Variants in SPAG16 observed in about 807,000 individuals in gnomAD.
SPAG16 encodes the protein sperm associated antigen 16.
In SPAG16, 86 loss-of-function variants were observed where a neutral mutation model predicts 80.4. The observed-to-expected ratio is 1.07, with a 90% CI of 0.90 to 1.28. The LOEUF (loss-of-function observed/expected upper bound fraction) is 1.28. Ranked by LOEUF, SPAG16 falls within the 50% of genes most tolerant of loss-of-function variation. SPAG16 has a pLI of 0.00. For missense variants in SPAG16, 870 were observed against 765.3 expected, an observed-to-expected ratio of 1.14 and a Z score of -1.61; for synonymous variants, 294 against 265.9, an observed-to-expected ratio of 1.11 and a Z score of -1.03.
chr2:214,288,498 C>T (rs924482027), intron 15 of SPAG16, among the ~76,000 whole-genome samples: 2 of 151,988 alleles, frequency 1.3e-5, no homozygotes, highest in Non-Finnish European at 2.9e-5. Context: ...TTTGAGAAAT[C>T]TCCATTCTGT....
chr2:214,012,287 TA>T lies in SPAG16; in HGVS notation c.1401-1663del, dbSNP rs1177561689. ...ATATATATATATATATATATATATATATTTTTTTTTTTTTTTTTTTTTCCTC... is the reference window on the plus strand; with the variant it reads ...ATATATATATATATATATATATATATTTTTTTTTTTTTTTTTTTTTTCCTC... On this transcript the variant is annotated intron_variant, in intron 12 of 15. Transcript: ENST00000331683. Among the ~76,000 whole-genome samples, 83 of 52,604 alleles carry T rather than the reference TA, an allele frequency of 1.6e-3. 1 individual carries two copies. Among genetic ancestry groups the T allele is most frequent in the African/African-American group, 4.4e-3 (41 of 9,296 alleles). 34.5% of individuals were successfully genotyped at this position (52,604 alleles called of 152,430 possible).
At chr2:213,435,537 A>C (rs1304638751) in intron 9 of SPAG16, among the ~76,000 whole-genome samples, 1 of 152,218 alleles carries the variant, frequency 6.6e-6, no homozygotes, top group Non-Finnish European at 1.5e-5. Flanking sequence ...AATTTATACA[A>C]ATAAGAAGAG....
At chr2:214,129,821 T>C (rs1208326108) in intron 14 of SPAG16, among the ~76,000 whole-genome samples, 1 of 152,186 alleles carries the variant, frequency 6.6e-6, no homozygotes, top group Admixed American at 6.5e-5. Flanking sequence ...AGAAAAACTA[T>C]AGACTATGAA....
At chr2:213,742,358 A>T (rs1276116073) in intron 10 of SPAG16, among the ~76,000 whole-genome samples, 3 of 152,066 alleles carry the variant, frequency 2.0e-5, no homozygotes, top group Non-Finnish European at 4.4e-5. Context: ...CTTCTGACTG[A>T]CATGTTACTA....
At chr2:214,120,613 A>T (rs1289098925) in intron 14 of SPAG16, among the ~76,000 whole-genome samples, 1 of 151,852 alleles carries the variant, frequency 6.6e-6, no homozygotes, top group Non-Finnish European at 1.5e-5. Context: ...TGTTGTACCC[A>T]ATGAGTAATT....
intron 10 of SPAG16, among the ~76,000 whole-genome samples, chr2:213,773,592 G>T (rs949108750): frequency 6.6e-6 from 1 of 151,692 alleles, no homozygotes; most frequent in Non-Finnish European, 1.5e-5. Context: ...TTTCTCTGTC[G>T]CCCAGGATGG....
intron 15 of SPAG16, among the ~76,000 whole-genome samples, chr2:214,191,732 A>G (rs1277420713): frequency 6.6e-6 from 1 of 150,804 alleles, no homozygotes; most frequent in African/African-American, 2.4e-5. Flanking sequence ...AAAAAGAAAA[A>G]AAAAAAAAAA....
intron 9 of SPAG16, among the ~76,000 whole-genome samples, chr2:213,415,916 C>A (rs2069227292): frequency 6.6e-6 from 1 of 152,032 alleles, no homozygotes; most frequent in Admixed American, 6.6e-5. Context: ...GCAGTTAGTT[C>A]TTTGTGAAGA....
intron 9 of SPAG16, among the ~76,000 whole-genome samples, chr2:213,408,033 GAGGCAGAGAGAGAC>G (rs1159370057): frequency 6.7e-6 from 1 of 149,408 alleles, no homozygotes; most frequent in East Asian, 2.0e-4. Context: ...AGACAGGAGA[GAGGCAGAGAGAGAC>G]AGGCAGAGAG....
chr2:214,100,914 ATGAG>A (rs1011752277), intron 13 of SPAG16, among the ~76,000 whole-genome samples: 1 of 152,106 alleles, frequency 6.6e-6, no homozygotes, highest in African/African-American at 2.4e-5. Context: ...AGGAAAAAAA[ATGAG>A]TGAAGTGGAC....
At chr2:213,662,814 T>G (rs778769030) in intron 10 of SPAG16, among the ~76,000 whole-genome samples, 5 of 152,222 alleles carry the variant, frequency 3.3e-5, no homozygotes, top group Non-Finnish European at 4.4e-5. Context: ...TATGAGTTGC[T>G]GAGATCTCTA....
chr2:213,531,481 G>T (rs1319029039), intron 10 of SPAG16, among the ~76,000 whole-genome samples: 1 of 151,550 alleles, frequency 6.6e-6, no homozygotes, highest in Non-Finnish European at 1.5e-5. Context: ...TGGTGAAGAG[G>T]CACGTGGGGA....
chr2:213,513,653 C>G (rs767795963), intron 10 of SPAG16, among the ~76,000 whole-genome samples: 4 of 152,156 alleles, frequency 2.6e-5, no homozygotes, highest in Non-Finnish European at 5.9e-5. Context: ...TATACATTTT[C>G]AGAGCTAGAT....
chr2:214,223,678 T>C (rs888842154), intron 15 of SPAG16, among the ~76,000 whole-genome samples: 1 of 152,216 alleles, frequency 6.6e-6, no homozygotes, highest in Non-Finnish European at 1.5e-5. Context: ...ATATCAATTT[T>C]AAATTATAAT....
intron 10 of SPAG16, among the ~76,000 whole-genome samples, chr2:213,622,626 C>A (rs763654847): frequency 6.6e-6 from 1 of 152,168 alleles, no homozygotes; most frequent in Admixed American, 6.5e-5. Flanking sequence ...TTGTGATTTG[C>A]TTCCAACCTG....
chr2:214,130,119 A>G (rs1271006224), intron 14 of SPAG16, among the ~76,000 whole-genome samples: 3 of 152,214 alleles, frequency 2.0e-5, no homozygotes, highest in African/African-American at 7.2e-5. Flanking sequence ...ATGCAAATGA[A>G]GCATTCAAAC....
chr2:214,119,343 T>C (rs548583135), intron 14 of SPAG16, among the ~76,000 whole-genome samples: 17 of 152,144 alleles, frequency 1.1e-4, no homozygotes, highest in Non-Finnish European at 2.1e-4. Context: ...TTTAAGGAAC[T>C]ATAAAAGCTA....
At chr2:213,487,478 A>G (rs1433849006) in intron 9 of SPAG16, among the ~76,000 whole-genome samples, 1 of 152,070 alleles carries the variant, frequency 6.6e-6, no homozygotes, top group Non-Finnish European at 1.5e-5. Context: ...TGTATTGGCC[A>G]TTGTCTCCTG....
At chr2:214,283,593 G>A (rs1406961053) in intron 15 of SPAG16, among the ~76,000 whole-genome samples, 1 of 152,008 alleles carries the variant, frequency 6.6e-6, no homozygotes, top group Non-Finnish European at 1.5e-5. Flanking sequence ...CTAAACCACT[G>A]TTTTAAACTG....
Sources: gnomAD v4.1 joint callset for allele counts (sites outside exome capture counted in the v4.1 genomes callset) on GRCh38, gnomAD v4.1.1 for gene constraint, MANE v1.5 for transcripts, NCBI Gene and HGNC (gene_info 2026-07-23, HGNC 2026-07-21) for gene names.